The following NOX4 variants were observed in gnomAD, a reference collection of about 807,000 sequenced individuals.
NOX4 encodes the protein kidney oxidase-1.
In NOX4, 69 loss-of-function variants were observed where a neutral mutation model predicts 87.6. The observed-to-expected ratio is 0.79, with a 90% CI of 0.65 to 0.96. The LOEUF (loss-of-function observed/expected upper bound fraction) is 0.96. Among genes scored for constraint, NOX4 ranks in the 40% least tolerant of loss-of-function variants. The probability of loss-of-function intolerance (pLI) is 0.00; values close to 1 mark genes in which losing one functional copy is unlikely to be tolerated. For missense variants in NOX4, 680 were observed against 681.5 expected (o/e 1.00, Z 0.02); for synonymous variants, 275 against 238.2 (o/e 1.15, Z -1.42).
chr11:89,520,575 C>T, the NOX4 span, among the ~76,000 whole-genome samples: 3 of 151,962 alleles, frequency 2.0e-5, no homozygotes, highest in Admixed American at 2.0e-4. Flanking sequence ...TTATGACAAA[C>T]CAACAACCAA....
intron 16 of NOX4, 111 bp downstream of exon 16, chr11:89,337,336 T>A: frequency 6.6e-7 from 1 of 1,511,438 alleles, no homozygotes; most frequent in Non-Finnish European, 9.0e-7. Flanking sequence ...GAGGCTTTCC[T>A]CTAGGAAACT....
At chr11:89,553,269 TG>T in the NOX4 span, among the ~76,000 whole-genome samples, 1 of 152,112 alleles carries the variant, frequency 6.6e-6, no homozygotes, top group East Asian at 1.9e-4. Flanking sequence ...GATTGGATCG[TG>T]GGGACAGTTT....
At chr11:89,439,031 CTAATAG>C (rs1214496871) in intron 6 of NOX4, among the ~76,000 whole-genome samples, 2 of 114,648 alleles carry the variant, frequency 1.7e-5, no homozygotes, top group Admixed American at 1.3e-4. Context: ...CATAATAGTG[CTAATAG>C]TAACAATACT....
intron 6 of NOX4, among the ~76,000 whole-genome samples, chr11:89,439,484 G>T (rs539010703): frequency 1.4e-4 from 21 of 152,192 alleles, no homozygotes; most frequent in African/African-American, 4.8e-4. Context: ...CATGGATGGG[G>T]AAAGCACTAG....
At chr11:89,533,330 A>G in the NOX4 span, among the ~76,000 whole-genome samples, 1 of 152,094 alleles carries the variant, frequency 6.6e-6, no homozygotes, top group African/African-American at 2.4e-5. Context: ...CCTGCCTCAA[A>G]CATTTTTGAC....
intron 9 of NOX4, among the ~76,000 whole-genome samples, chr11:89,401,434 TTAA>T (rs1941849225): frequency 6.6e-6 from 1 of 152,040 alleles, no homozygotes; most frequent in Non-Finnish European, 1.5e-5. Flanking sequence ...AGGATTATTA[TTAA>T]TAATAATAAA....
chr11:89,401,708 T>G lies in NOX4; in HGVS notation c.846+618A>C, dbSNP rs141729257. On this transcript the variant is annotated intron_variant, in intron 9 of 17. Coordinates refer to ENST00000263317, the MANE Select transcript of NOX4 (RefSeq NM_016931.5). Reference sequence around the variant, plus strand: ...TAGTCAAAGACCTGGGTTTACATGCTTCCTCTGCCACTTACTGGTTTGGAG... The same window carrying G: ...TAGTCAAAGACCTGGGTTTACATGCGTCCTCTGCCACTTACTGGTTTGGAG... Among the ~76,000 whole-genome samples, 74 of 152,216 alleles carry G rather than the reference T, an allele frequency of 4.9e-4. No homozygotes were observed. The East Asian group carries it at 0.012, about 25-fold the overall frequency.
the NOX4 span, chr11:89,557,341 A>G: frequency 3.3e-5 from 5 of 152,134 alleles, no homozygotes; most frequent in Non-Finnish European, 7.4e-5. Context: ...GAAACACTTC[A>G]CTGACAACTA....
At chr11:89,535,417 A>G in the NOX4 span, among the ~76,000 whole-genome samples, 2 of 152,228 alleles carry the variant, frequency 1.3e-5, no homozygotes, top group South Asian at 4.1e-4. Flanking sequence ...TTTCAGTGGC[A>G]TCCAAGGCCA....
intron 4 of NOX4, among the ~76,000 whole-genome samples, chr11:89,448,338 CTA>C (rs1246847360): frequency 6.6e-6 from 1 of 152,078 alleles, no homozygotes; most frequent in East Asian, 1.9e-4. Context: ...TCCTTCATCA[CTA>C]TGTTTCTTAC....
At chr11:89,330,330 C>T (rs1251794037) in intron 17 of NOX4, among the ~76,000 whole-genome samples, 1 of 151,932 alleles carries the variant, frequency 6.6e-6, no homozygotes, top group Non-Finnish European at 1.5e-5. Context: ...GCCTGAGCAA[C>T]AGAGCAATAC....
At chr11:89,505,807 C>A in the NOX4 span, among the ~76,000 whole-genome samples, 1 of 151,756 alleles carries the variant, frequency 6.6e-6, no homozygotes, top group Non-Finnish European at 1.5e-5. Flanking sequence ...ACTTTTGCTT[C>A]CAGATAAAAT....
At chr11:89,561,050 C>CATACATATAT in the NOX4 span, among the ~76,000 whole-genome samples, 1 of 28,570 alleles carries the variant, frequency 3.5e-5, no homozygotes, top group Non-Finnish European at 6.1e-5. Context: ...ATATATCATA[C>CATACATATAT]ATATATATAT....
intron 2 of NOX4, among the ~76,000 whole-genome samples, chr11:89,456,169 A>G (rs961774563): frequency 6.6e-6 from 1 of 152,180 alleles, no homozygotes; most frequent in Non-Finnish European, 1.5e-5. Context: ...TCAAAATATC[A>G]TGTGTATTTT....
chr11:89,511,869 G>A, the NOX4 span, among the ~76,000 whole-genome samples: 1 of 151,984 alleles, frequency 6.6e-6, no homozygotes, highest in Admixed American at 6.6e-5. Flanking sequence ...TTTACAAAAA[G>A]GCCTACGTCT....
upstream of NOX4, among the ~76,000 whole-genome samples, chr11:89,491,767 A>ACACACACACAC (rs879755481): frequency 1.7e-4 from 19 of 114,624 alleles, no homozygotes; most frequent in East Asian, 2.3e-3. Context: ...CACACACACA[A>ACACACACACAC]GAAGACACAG....
At chr11:89,361,280 C>G (rs1473939487) in intron 12 of NOX4, among the ~76,000 whole-genome samples, 2 of 151,990 alleles carry the variant, frequency 1.3e-5, no homozygotes, top group Admixed American at 6.6e-5. Flanking sequence ...TAAAAAGGAA[C>G]AAAATAATGT....
intron 11 of NOX4, among the ~76,000 whole-genome samples, chr11:89,380,776 A>G (rs1218988979): frequency 6.6e-6 from 1 of 152,186 alleles, no homozygotes; most frequent in East Asian, 1.9e-4. Context: ...TTTCATGAAC[A>G]TTAATCATCT....
chr11:89,463,074 A>G (rs1591317995), intron 2 of NOX4, among the ~76,000 whole-genome samples: 2 of 151,998 alleles, frequency 1.3e-5, no homozygotes, highest in East Asian at 3.9e-4. Context: ...TCATGTTTAA[A>G]TTAACAAATT....
Sources: allele counts gnomAD v4.1 joint callset (sites outside exome capture counted in the v4.1 genomes callset), GRCh38; gene constraint gnomAD v4.1.1; transcripts MANE v1.5; gene names NCBI Gene and HGNC (gene_info 2026-07-23, HGNC 2026-07-21).